The following DAB2 variants were observed in gnomAD, a reference collection of about 807,000 sequenced individuals.
DAB2 encodes DAB adaptor protein 2.
Under a neutral mutation model 71.6 loss-of-function variants are expected in DAB2, and 28 were observed. The ratio of observed to expected loss-of-function variants is 0.39; its 90% confidence interval spans 0.29 to 0.54. The LOEUF is 0.54. Among genes scored for constraint, DAB2 ranks in the 20% least tolerant of loss-of-function variants. The pLI, the probability that DAB2 is intolerant of heterozygous loss-of-function variation, is 0.68. For synonymous variants in DAB2, 345 were observed against 339.7 expected, an observed-to-expected ratio of 1.02 and a Z score of -0.17; for missense variants, 867 against 928.8, an observed-to-expected ratio of 0.93 and a Z score of 0.86.
intron 11 of DAB2, among the ~76,000 whole-genome samples, chr5:39,377,742 G>T (rs1306320461): frequency 1.3e-5 from 2 of 152,186 alleles, no homozygotes; most frequent in East Asian, 3.8e-4. Context: ...CTGAGTCACA[G>T]ATTTGATCTT....
rs1754743365 is a variant in DAB2, at chr5:39,373,228, ATAGATTCAGT to A, written c.*193_*202del. On this transcript the variant is annotated 3_prime_UTR_variant, in exon 15 of 15. Transcript: ENST00000320816. ...TTAGGATCTTAATTTATTTAAAGCC[ATAGATTCAGT>A]TTAGCTTTAACCTAGACAGAAAGTG... The A allele has an allele frequency of 6.6e-6, 1 of 152,438 alleles. No homozygotes were observed. The highest frequency in any genetic ancestry group is 1.5e-5 in the Non-Finnish European group (1 of 68,026). The allele number at this position is 152,438 out of a possible 1,614,324, so 9.4% of individuals were successfully genotyped here.
At chr5:39,375,188 G>A in intron 13 of DAB2, 104 bp from the exon 14 acceptor site, 1 of 740,986 alleles carries the variant, frequency 1.3e-6, no homozygotes, top group Admixed American at 2.4e-5. Context: ...TAGGTCATAG[G>A]CCAATCAGCC....
intron 1 of DAB2, among the ~76,000 whole-genome samples, chr5:39,411,744 A>C (rs1242177836): frequency 6.6e-6 from 1 of 152,200 alleles, no homozygotes. Flanking sequence ...GCAGACAAGG[A>C]AGTTAAGACA....
chr5:39,387,298 C>T (rs1755117711), intron 9 of DAB2, among the ~76,000 whole-genome samples: 1 of 152,136 alleles, frequency 6.6e-6, no homozygotes, highest in South Asian at 2.1e-4. Context: ...AGAGTCCTTT[C>T]TAGACATTTC....
intron 11 of DAB2, among the ~76,000 whole-genome samples, chr5:39,377,625 A>G (rs572871621): frequency 3.5e-4 from 53 of 152,286 alleles, no homozygotes; most frequent in African/African-American, 1.2e-3. Flanking sequence ...ATCTCAAACA[A>G]CTAGAACAGA....
chr5:39,389,775 G>A, intron 6 of DAB2, 77 bp downstream of exon 6: 1 of 801,188 alleles, frequency 1.2e-6, no homozygotes, highest in South Asian at 1.6e-5. Context: ...GCCTCCCGAA[G>A]TGCTGGGATT....
At chr5:39,378,706 A>G (rs1754888743) in intron 11 of DAB2, among the ~76,000 whole-genome samples, 1 of 152,192 alleles carries the variant, frequency 6.6e-6, no homozygotes, top group Non-Finnish European at 1.5e-5. Flanking sequence ...AATATTCATT[A>G]AAATTGGGAA....
At chr5:39,381,662 A>C in intron 10 of DAB2, 46 bp from the exon 11 acceptor site, 3 of 1,603,840 alleles carry the variant, frequency 1.9e-6, no homozygotes, top group Non-Finnish European at 2.6e-6. Flanking sequence ...ACTCACTAAC[A>C]GTGAAATACA....
intron 12 of DAB2, among the ~76,000 whole-genome samples, 164 bp from the exon 13 acceptor site, chr5:39,376,270 T>C (rs1754827028): frequency 6.6e-6 from 1 of 152,140 alleles, no homozygotes; most frequent in South Asian, 2.1e-4. Context: ...TTATTATCCT[T>C]CTCGGAAGAG....
intron 1 of DAB2, among the ~76,000 whole-genome samples, chr5:39,403,663 C>T (rs942301291): frequency 7.3e-5 from 11 of 151,166 alleles, no homozygotes; most frequent in East Asian, 1.9e-4. Flanking sequence ...AAATTTATTT[C>T]GGTACATTCT....
rs1393811108 is a variant in DAB2, at chr5:39,382,707, T to A, written c.1252A>T (p.Ser418Cys). Residue 418 changes from serine to cysteine, a missense_variant, in exon 10 of 15, where the codon AGC becomes TGC. Transcript: ENST00000320816. ...IQNGVKQDLE[S>C]SVQSSPHDSI... ...TCATGTGGTGAGGACTGGACAGAGC[T>A]TTCCAAGTCCTGCTTTACGCCATTC... 6.2e-7 allele frequency: 1 copy of A among 1,614,150 alleles called. No individual in the cohort carries two copies. Among genetic ancestry groups the A allele is most frequent in the Non-Finnish European group, 8.5e-7 (1 of 1,179,994 alleles).
intron 1 of DAB2, among the ~76,000 whole-genome samples, chr5:39,413,746 T>C (rs1755783212): frequency 6.6e-6 from 1 of 152,170 alleles, no homozygotes; most frequent in East Asian, 1.9e-4. Context: ...ATAAGTGATA[T>C]TGGGGCGATG....
intron 1 of DAB2, among the ~76,000 whole-genome samples, chr5:39,412,583 A>G (rs1190812452): frequency 6.6e-6 from 1 of 152,162 alleles, no homozygotes; most frequent in Non-Finnish European, 1.5e-5. Flanking sequence ...CTGGGGAGAA[A>G]GGAGAGTAGA....
chr5:39,423,212 A>C (rs1179415621), intron 1 of DAB2, among the ~76,000 whole-genome samples: 1 of 152,050 alleles, frequency 6.6e-6, no homozygotes, highest in East Asian at 1.9e-4. Context: ...AGGAAAAAGA[A>C]TTTAGTTGGC....
At chr5:39,400,077 T>TA (rs1755461232) in intron 1 of DAB2, among the ~76,000 whole-genome samples, 1 of 152,158 alleles carries the variant, frequency 6.6e-6, no homozygotes, top group African/African-American at 2.4e-5. Context: ...AAAATGCTGG[T>TA]AAAAGGAATA....
In DAB2 at chr5:39,377,283, C is replaced by T; in HGVS notation, c.1505-1G>A. 6.2e-7 allele frequency: 1 copy of T among 1,605,430 alleles called. No homozygotes were observed. Among genetic ancestry groups the T allele is most frequent in the Non-Finnish European group, 8.5e-7 (1 of 1,175,500 alleles). The stretch of plus-strand genomic sequence containing the variant: ...TGAGGGAGTGTGACAGTTACACCAC[C>T]TGAAGTAAGAGGAAGAAAAATACTT... On this transcript the variant is annotated splice_acceptor_variant, in intron 11 of 14. Transcript: ENST00000320816. LOFTEE classifies it high-confidence loss of function.
intron 1 of DAB2, among the ~76,000 whole-genome samples, chr5:39,410,061 C>A (rs1035454412): frequency 6.6e-6 from 1 of 152,178 alleles, no homozygotes; most frequent in African/African-American, 2.4e-5. Context: ...AATATGTACA[C>A]TCCACTGGAT....
intron 14 of DAB2, 24 bp downstream of exon 14, chr5:39,374,990 G>A (rs1754788423): frequency 1.3e-6 from 2 of 1,489,586 alleles, no homozygotes; most frequent in Non-Finnish European, 1.9e-6. Context: ...CCCTGAGACA[G>A]GCTTATTAGG....
At position 39,389,016 on chromosome 5, in the gene DAB2, C is replaced by G. The variant is rs937352190; in HGVS notation, c.570+81G>C. 2.1e-6 allele frequency: 3 copies of G among 1,404,142 alleles called. No individual in the cohort carries two copies. The African/African-American group carries it at 4.3e-5, about 20-fold the overall frequency. 87.0% of individuals were successfully genotyped at this position (1,404,142 alleles called of 1,614,324 possible). ...AAACACATAGTAATAAGCGAGGTGG[C>G]GAGAGTGGTTGGGCAGGTAGAAAAC... is the stretch of plus-strand genomic sequence containing the variant. On this transcript the variant is annotated intron_variant, in intron 7 of 14. Coordinates refer to ENST00000320816, the MANE Select transcript of DAB2 (RefSeq NM_001343.4).
Sources: allele counts gnomAD v4.1 joint callset (sites outside exome capture counted in the v4.1 genomes callset), GRCh38; gene constraint gnomAD v4.1.1; transcripts MANE v1.5; gene names NCBI Gene and HGNC (gene_info 2026-07-23, HGNC 2026-07-21).